The following NFIA variants were observed in gnomAD, a reference collection of about 807,000 sequenced individuals.
The protein encoded by NFIA is nuclear factor 1 A-type.
Under a neutral mutation model 62.8 loss-of-function variants are expected in NFIA, and 8 were observed. The ratio of observed to expected loss-of-function variants is 0.13; its 90% confidence interval spans 0.07 to 0.23. The LOEUF is 0.23. NFIA is among the 10% of genes least tolerant of loss of function. The probability of loss-of-function intolerance (pLI) is 1.00; values close to 1 mark genes in which losing one functional copy is unlikely to be tolerated. For synonymous variants in NFIA, 235 were observed against 238.1 expected, an observed-to-expected ratio of 0.99 and a Z score of 0.12; for missense variants, 410 against 642.1, an observed-to-expected ratio of 0.64 and a Z score of 3.91.
intron 2 of NFIA, among the ~76,000 whole-genome samples, chr1:61,187,529 C>T (rs1386673329): frequency 2.0e-5 from 3 of 152,180 alleles, no homozygotes; most frequent in African/African-American, 2.4e-5. Context: ...AGATGCGCTC[C>T]GTTTAGACTC....
chr1:61,450,910 C>T (rs1668027702), intron 10 of NFIA, among the ~76,000 whole-genome samples: 1 of 152,094 alleles, frequency 6.6e-6, no homozygotes, highest in Non-Finnish European at 1.5e-5. Flanking sequence ...TGCATCCTGC[C>T]CTCTTAGTAA....
intron 3 of NFIA, among the ~76,000 whole-genome samples, chr1:61,290,382 G>A (rs1366881216): frequency 6.6e-6 from 1 of 151,938 alleles, no homozygotes; most frequent in Non-Finnish European, 1.5e-5. Context: ...ATAGAAATTT[G>A]TGCCCCATTC....
chr1:61,343,588 T>G (rs1207874411), intron 4 of NFIA, among the ~76,000 whole-genome samples: 1 of 152,252 alleles, frequency 6.6e-6, no homozygotes, highest in Non-Finnish European at 1.5e-5. Flanking sequence ...AAGTTCATTT[T>G]CACATAGAGG....
chr1:61,143,160 T>C (rs1177549481), intron 2 of NFIA, among the ~76,000 whole-genome samples: 4 of 152,186 alleles, frequency 2.6e-5, no homozygotes, highest in African/African-American at 9.7e-5. Flanking sequence ...AGATTTTTGT[T>C]TTTAACCTAT....
intron 9 of NFIA, among the ~76,000 whole-genome samples, chr1:61,409,675 G>A (rs761793382): frequency 6.6e-5 from 10 of 152,242 alleles, no homozygotes; most frequent in Non-Finnish European, 7.4e-5. Flanking sequence ...CAATTACATC[G>A]TCATAGCTAC....
intron 7 of NFIA, among the ~76,000 whole-genome samples, chr1:61,394,990 TCAGCCA>T (rs1665191209): frequency 6.6e-6 from 1 of 152,112 alleles, no homozygotes; most frequent in East Asian, 1.9e-4. Context: ...GCTTGCAGTC[TCAGCCA>T]CTTGGGAGGC....
At chr1:61,440,098 A>T (rs922281015) in intron 10 of NFIA, among the ~76,000 whole-genome samples, 3 of 152,234 alleles carry the variant, frequency 2.0e-5, no homozygotes, top group Non-Finnish European at 4.4e-5. Flanking sequence ...GTCAATCCAT[A>T]TTTTAATGTT....
chr1:61,358,394 T>TC (rs1418034073), intron 5 of NFIA, among the ~76,000 whole-genome samples: 13 of 137,098 alleles, frequency 9.5e-5, no homozygotes, highest in African/African-American at 3.1e-4. Context: ...TTTTTTTTTT[T>TC]TTTTTTTTTT....
intron 10 of NFIA, among the ~76,000 whole-genome samples, chr1:61,454,217 T>G (rs1364580412): frequency 1.3e-5 from 2 of 152,212 alleles, no homozygotes; most frequent in Non-Finnish European, 2.9e-5. Flanking sequence ...GTAATTTTTC[T>G]GTAAATAATG....
intron 9 of NFIA, among the ~76,000 whole-genome samples, chr1:61,423,334 TATA>T (rs779505744): frequency 2.6e-5 from 4 of 152,172 alleles, no homozygotes; most frequent in Non-Finnish European, 5.9e-5. Flanking sequence ...TAAGGATTCT[TATA>T]ATAAGATTAG....
intron 10 of NFIA, among the ~76,000 whole-genome samples, chr1:61,445,334 G>A (rs1667760895): frequency 1.3e-5 from 2 of 152,050 alleles, no homozygotes; most frequent in Non-Finnish European, 2.9e-5. Flanking sequence ...CCATCAAGAA[G>A]CCTCCCCCTC....
At chr1:61,213,768 T>C (rs1180735756) in intron 2 of NFIA, among the ~76,000 whole-genome samples, 1 of 152,164 alleles carries the variant, frequency 6.6e-6, no homozygotes, top group East Asian at 1.9e-4. Flanking sequence ...CTTGAAATAA[T>C]GGTCAGAGTG....
intron 2 of NFIA, among the ~76,000 whole-genome samples, chr1:61,207,974 CTTT>C (rs11444962): frequency 1.0e-4 from 12 of 115,374 alleles, no homozygotes; most frequent in Middle Eastern, 4.9e-3. Flanking sequence ...TGCACTGAAC[CTTT>C]TTTTTTTTTT....
intron 10 of NFIA, among the ~76,000 whole-genome samples, chr1:61,452,087 G>A (rs2100589657): frequency 6.6e-6 from 1 of 152,242 alleles, no homozygotes; most frequent in Non-Finnish European, 1.5e-5. Context: ...TATCACAAGA[G>A]AAAAGTAGGC....
At chr1:61,258,730 T>G (rs1456038443) in intron 2 of NFIA, among the ~76,000 whole-genome samples, 1 of 135,060 alleles carries the variant, frequency 7.4e-6, no homozygotes, top group East Asian at 1.9e-4. Flanking sequence ...GAAATGTGGT[T>G]TTTTTTTTAT....
At chr1:61,182,282 C>T (rs1650809003) in intron 2 of NFIA, among the ~76,000 whole-genome samples, 1 of 152,164 alleles carries the variant, frequency 6.6e-6, no homozygotes, top group South Asian at 2.1e-4. Flanking sequence ...CTGTGATCCC[C>T]TTGCACATGA....
At chr1:61,309,502 A>AC (rs796233742) in intron 3 of NFIA, among the ~76,000 whole-genome samples, 97 of 151,066 alleles carry the variant, frequency 6.4e-4, no homozygotes, top group South Asian at 4.4e-3. Context: ...AAAAAAAAAA[A>AC]CACAAAATTC....
chr1:61,450,903 A>G (rs960968793), intron 10 of NFIA, among the ~76,000 whole-genome samples: 4 of 152,250 alleles, frequency 2.6e-5, no homozygotes, highest in Non-Finnish European at 2.9e-5. Context: ...TAGAATGTGC[A>G]TCCTGCCCTC....
chr1:61,304,040 C>T (rs965811417), intron 3 of NFIA, among the ~76,000 whole-genome samples: 1 of 152,040 alleles, frequency 6.6e-6, no homozygotes, highest in Non-Finnish European at 1.5e-5. Flanking sequence ...TTTAGGAGGC[C>T]AAGGTGGGCC....
Sources: allele counts gnomAD v4.1 joint callset (sites outside exome capture counted in the v4.1 genomes callset), GRCh38; gene constraint gnomAD v4.1.1; transcripts MANE v1.5; gene names NCBI Gene and HGNC (gene_info 2026-07-23, HGNC 2026-07-21).